Variants in ALMS1 observed in about 807,000 individuals in gnomAD.
The protein encoded by ALMS1 is centrosome-associated protein ALMS1.
In ALMS1, 271 loss-of-function variants were observed where a neutral mutation model predicts 352.2. The observed-to-expected ratio is 0.77, with a 90% CI of 0.70 to 0.85. The LOEUF is 0.85. ALMS1 is among the 40% of genes least tolerant of loss of function. ALMS1 has a pLI of 0.00. For missense variants in ALMS1, 5,445 were observed against 4,870.7 expected, an observed-to-expected ratio of 1.12 and a Z score of -3.51; for synonymous variants, 1,865 against 1,761.2, an observed-to-expected ratio of 1.06 and a Z score of -1.48.
intron 15 of ALMS1, among the ~76,000 whole-genome samples, chr2:73,568,294 T>A (rs1439287823): frequency 6.6e-6 from 1 of 152,178 alleles, no homozygotes; most frequent in Non-Finnish European, 1.5e-5. Context: ...TTTGAAAGTG[T>A]GGAACAATTG....
At chr2:73,577,844 G>A (rs1675085575) in intron 16 of ALMS1, among the ~76,000 whole-genome samples, 1 of 152,092 alleles carries the variant, frequency 6.6e-6, no homozygotes, top group South Asian at 2.1e-4. Context: ...CATTTAAGAC[G>A]AATGTGTATT....
At chr2:73,517,843 A>C (rs1673592481) in intron 10 of ALMS1, among the ~76,000 whole-genome samples, 1 of 151,874 alleles carries the variant, frequency 6.6e-6, no homozygotes, top group Admixed American at 6.6e-5. Context: ...TTATTAGTAG[A>C]GATGGGGTTT....
chr2:73,584,188 T>C (rs1675259856), intron 16 of ALMS1, among the ~76,000 whole-genome samples: 1 of 152,194 alleles, frequency 6.6e-6, no homozygotes, highest in Non-Finnish European at 1.5e-5. Flanking sequence ...TCTTCCCACC[T>C]ATCCCCCACA....
In ALMS1 at chr2:73,448,663, C is replaced by T. The variant is rs747504060; in HGVS notation, c.2136C>T (p.Leu712=). The T allele has an allele frequency of 1.6e-5, 26 of 1,613,778 alleles. No individual in the cohort carries two copies. Among genetic ancestry groups the T allele is most frequent in the Non-Finnish European group, 2.1e-5 (25 of 1,179,926 alleles). Residue 712 remains leucine, a synonymous_variant, in exon 8 of 23, where the codon CTC becomes CTT. Coordinates refer to ENST00000613296, the MANE Select transcript of ALMS1 (RefSeq NM_001378454.1). ...AGAAGACTGGGACAGCAACAGTACT[C>T]TCTACTCCCCACTCACATAGAGAGA... ...ADQKTGTATV[L]STPHSHREKP... is the part of the protein sequence containing the mutation.
Position 73,386,189 on chromosome 2 carries a change from G to T in ALMS1, c.321G>T (p.Glu107Asp). 3 of 1,538,536 alleles carry T rather than the reference G, an allele frequency of 1.9e-6. No homozygotes were observed. Among genetic ancestry groups the T allele is most frequent in the South Asian group, 2.4e-5 (2 of 83,440 alleles). ...RYSEGERTSL[E>D]KIVPLTCHVW... The stretch of plus-strand genomic sequence containing the variant: ...CGGAGGGCGAGCGGACCTCCCTGGA[G>T]AAGGTGAGGCGGGCCGGGGAGGGGT... The change falls in exon 1 of 23, where the codon GAG becomes GAT. Residue 107 changes from glutamate to aspartate, a missense_variant. By Grantham distance (45) the Glu-to-Asp change is conservative. Transcript: ENST00000613296.
At chr2:73,459,775 C>G (rs1672147415) in intron 9 of ALMS1, among the ~76,000 whole-genome samples, 1 of 152,112 alleles carries the variant, frequency 6.6e-6, no homozygotes, top group Non-Finnish European at 1.5e-5. Flanking sequence ...TTTCACCAAC[C>G]CTAGAGCTGT....
chr2:73,594,214 C>G (rs1675496841), intron 16 of ALMS1, among the ~76,000 whole-genome samples: 1 of 151,502 alleles, frequency 6.6e-6, no homozygotes, highest in African/African-American at 2.4e-5. Context: ...TCCAATTTTT[C>G]CACATCCTAG....
chr2:73,529,989 G>T (rs1007114150), intron 11 of ALMS1, among the ~76,000 whole-genome samples: 5 of 152,030 alleles, frequency 3.3e-5, no homozygotes, highest in African/African-American at 1.2e-4. Flanking sequence ...CTCCCACCAG[G>T]TCCCTCCCTC....
chr2:73,498,452 A>T (rs1673153566), intron 10 of ALMS1, among the ~76,000 whole-genome samples: 1 of 151,842 alleles, frequency 6.6e-6, no homozygotes, highest in East Asian at 1.9e-4. Flanking sequence ...ATGTACAGTC[A>T]TTATTTACTA....
chr2:73,560,662 T>G (rs572149299), intron 15 of ALMS1, among the ~76,000 whole-genome samples: 2 of 152,306 alleles, frequency 1.3e-5, no homozygotes, highest in Admixed American at 1.3e-4. Context: ...CATCAACAGA[T>G]GAATGTATTA....
At chr2:73,444,933 CTT>C (rs1671777952) in intron 7 of ALMS1, among the ~76,000 whole-genome samples, 1 of 151,846 alleles carries the variant, frequency 6.6e-6, no homozygotes, top group African/African-American at 2.4e-5. Flanking sequence ...TAATTAGGAA[CTT>C]ATAAAAATGA....
intron 10 of ALMS1, among the ~76,000 whole-genome samples, chr2:73,504,869 A>C (rs1289875122): frequency 6.6e-6 from 1 of 151,974 alleles, no homozygotes; most frequent in East Asian, 1.9e-4. Context: ...TCCTAATGTT[A>C]TCTCTCCCCT....
intron 12 of ALMS1, among the ~76,000 whole-genome samples, chr2:73,544,871 C>T (rs1169515217): frequency 1.3e-5 from 2 of 152,042 alleles, no homozygotes; most frequent in African/African-American, 4.8e-5. Flanking sequence ...ATTATTCAGC[C>T]TTAAAGAGGA....
chr2:73,559,284 G>A, intron 15 of ALMS1, 142 bp downstream of exon 15: 1 of 975,906 alleles, frequency 1.0e-6, no homozygotes, highest in Non-Finnish European at 1.5e-6. Context: ...ACTTTCTTGT[G>A]TAAAGTACTT....
chr2:73,585,815 G>A (rs1675299400), intron 16 of ALMS1, among the ~76,000 whole-genome samples: 1 of 144,032 alleles, frequency 6.9e-6, no homozygotes, highest in African/African-American at 2.7e-5. Context: ...TGCAACCACT[G>A]CATCCCGGGT....
At position 73,573,013 on chromosome 2, in the gene ALMS1, A is replaced by T. The variant is rs1674974579; in HGVS notation, c.11136A>T (p.Glu3712Asp). 7 of 1,614,056 alleles carry T rather than the reference A, an allele frequency of 4.3e-6. No homozygotes were observed. Among genetic ancestry groups the T allele is most frequent in the Non-Finnish European group, 5.9e-6 (7 of 1,179,984 alleles). ...GGAGGTCTAATCAAATTAAAATTGA[A>T]CAGATTAAATTTGATAAATATATTC... ...RAGRSNQIKI[E>D]QIKFDKYILS... Residue 3712 changes from glutamate to aspartate, a missense_variant, in exon 16 of 23, where the codon GAA becomes GAT. By Grantham distance (45) the Glu-to-Asp change is conservative. Coordinates refer to ENST00000613296, the MANE Select transcript of ALMS1 (RefSeq NM_001378454.1).
chr2:73,482,526 G>A (rs533493159), intron 9 of ALMS1, among the ~76,000 whole-genome samples: 2,938 of 152,184 alleles, frequency 0.019, 111 homozygotes, highest in African/African-American at 0.065. Flanking sequence ...CAAGGATATT[G>A]GTCTAAAATT....
At chr2:73,596,214 TG>T (rs778881427) in intron 16 of ALMS1, among the ~76,000 whole-genome samples, 1 of 152,230 alleles carries the variant, frequency 6.6e-6, no homozygotes, top group Non-Finnish European at 1.5e-5. Flanking sequence ...TATTCTCCTA[TG>T]TTTTTCATTA....
chr2:73,477,756 A>T (rs1209054444), intron 9 of ALMS1, among the ~76,000 whole-genome samples: 1 of 151,962 alleles, frequency 6.6e-6, no homozygotes, highest in Non-Finnish European at 1.5e-5. Context: ...TTTTTTTAAA[A>T]ATTTATTTTT....
Sources: allele counts gnomAD v4.1 joint callset (sites outside exome capture counted in the v4.1 genomes callset), GRCh38; gene constraint gnomAD v4.1.1; transcripts MANE v1.5; gene names NCBI Gene and HGNC (gene_info 2026-07-23, HGNC 2026-07-21).